GRM7: variants seen among roughly 807,000 people sequenced by gnomAD.
GRM7 encodes the protein glutamate metabotropic receptor 7.
A neutral mutation model predicts 84.5 loss-of-function variants in GRM7; 35 were observed. That is an observed-to-expected ratio of 0.41 (90% CI 0.32 to 0.55). The LOEUF is 0.55. Among genes scored for constraint, GRM7 ranks in the 20% least tolerant of loss-of-function variants. The probability of loss-of-function intolerance (pLI) is 0.19; values close to 1 mark genes in which losing one functional copy is unlikely to be tolerated. For missense variants in GRM7, 1,003 were observed against 1,194.6 expected, an observed-to-expected ratio of 0.84 and a Z score of 2.36; for synonymous variants, 487 against 455.1, an observed-to-expected ratio of 1.07 and a Z score of -0.89.
intron 8 of GRM7, among the ~76,000 whole-genome samples, chr3:7,609,049 T>C (rs1463626741): frequency 1.3e-5 from 2 of 152,174 alleles, no homozygotes; most frequent in Admixed American, 1.3e-4. Flanking sequence ...ATTTCTGGGC[T>C]CTCTATTCTG....
chr3:7,654,146 A>G (rs1699079004), intron 8 of GRM7, among the ~76,000 whole-genome samples: 1 of 152,188 alleles, frequency 6.6e-6, no homozygotes, highest in African/African-American at 2.4e-5. Flanking sequence ...CTGAGCTCAT[A>G]GAGTCTTATG....
chr3:7,111,557 T>G (rs1692852188), intron 1 of GRM7, among the ~76,000 whole-genome samples: 1 of 152,154 alleles, frequency 6.6e-6, no homozygotes, highest in South Asian at 2.1e-4. Context: ...TGCCTCCAAC[T>G]GACTGTTTCT....
At chr3:7,061,247 A>G (rs1697425894) in intron 1 of GRM7, among the ~76,000 whole-genome samples, 1 of 151,794 alleles carries the variant, frequency 6.6e-6, no homozygotes, top group Non-Finnish European at 1.5e-5. Flanking sequence ...TTGCTGTGTA[A>G]CTGTTGGTTA....
intron 1 of GRM7, among the ~76,000 whole-genome samples, chr3:6,976,175 T>C (rs901562540): frequency 7.2e-5 from 11 of 152,128 alleles, no homozygotes; most frequent in African/African-American, 2.7e-4. Context: ...TAGGAACCCA[T>C]GCTGTAGTTT....
At chr3:7,139,608 A>T (rs1341398812) in intron 1 of GRM7, among the ~76,000 whole-genome samples, 22 of 151,974 alleles carry the variant, frequency 1.4e-4, no homozygotes. Flanking sequence ...ATTATCTTCA[A>T]GGAAATAAAT....
intron 9 of GRM7, among the ~76,000 whole-genome samples, chr3:7,730,368 T>C (rs538226442): frequency 2.2e-4 from 34 of 152,334 alleles, no homozygotes; most frequent in African/African-American, 7.7e-4. Flanking sequence ...ATTTAAGCTC[T>C]GTGAAAGCAG....
rs1023285861 is a variant in GRM7 at position 7,454,736 on chromosome 3, T to C, written c.1375+1929T>C. 3.3e-5 allele frequency among the ~76,000 whole-genome samples: 5 copies of C among 152,210 alleles called. No individual in the cohort carries two copies. In the East Asian group the frequency reaches 9.7e-4, roughly 29 times the overall value. The stretch of plus-strand genomic sequence containing the variant: ...TCCCTAACAAGGAATGAGAGAAATA[T>C]AGAATGAACCCTGTTGTGTTGGATT... On this transcript the variant is annotated intron_variant, in intron 6 of 9. Coordinates refer to ENST00000357716, the MANE Select transcript of GRM7 (RefSeq NM_000844.4).
chr3:6,992,321 A>C (rs191578214), intron 1 of GRM7, among the ~76,000 whole-genome samples: 1 of 152,340 alleles, frequency 6.6e-6, no homozygotes, highest in East Asian at 1.9e-4. Context: ...TAAATATTTA[A>C]CCTGAAATCA....
At chr3:7,685,041 T>C (rs967626506) in intron 9 of GRM7, among the ~76,000 whole-genome samples, 4 of 152,208 alleles carry the variant, frequency 2.6e-5, no homozygotes, top group African/African-American at 9.6e-5. Context: ...CTGTACTTTC[T>C]ACAGTTCACT....
Position 7,740,434 on chromosome 3 carries a change from G to C in GRM7, c.*28G>C. 3 of 1,302,358 alleles carry C rather than the reference G, an allele frequency of 2.3e-6. No homozygotes were observed. The highest frequency in any genetic ancestry group is 3.3e-6 in the Non-Finnish European group (3 of 922,684). The allele number at this position is 1,302,358 out of a possible 1,614,324, so 80.7% of individuals were successfully genotyped here. A position where few individuals can be genotyped will look rare whatever the true frequency, so the allele number is the denominator to read the frequency against. Reference sequence around the variant, plus strand: ...TGTTCCATTCCATGGAACCATGGAGGAGGAAGACCCTCAGTTATTTTGTCA... The same window carrying C: ...TGTTCCATTCCATGGAACCATGGAGCAGGAAGACCCTCAGTTATTTTGTCA... On this transcript the variant is annotated 3_prime_UTR_variant, in exon 10 of 10. Transcript: ENST00000357716.
chr3:7,619,993 C>G lies in GRM7; in HGVS notation c.2451+40636C>G, dbSNP rs192771873. Among the ~76,000 whole-genome samples, 16 of 152,190 alleles carry G rather than the reference C, an allele frequency of 1.1e-4. No individual in the cohort carries two copies. The East Asian group carries it at 2.9e-3, about 28-fold the overall frequency. On this transcript the variant is annotated intron_variant, in intron 8 of 9. Transcript: ENST00000357716. ...TGACAGCCTGTGAACTGAATATAGACCAAAAATCCTGACCACTCCTTAGAC... is the reference window on the plus strand; with the variant it reads ...TGACAGCCTGTGAACTGAATATAGAGCAAAAATCCTGACCACTCCTTAGAC...
At chr3:7,637,318 T>C in intron 8 of GRM7, among the ~76,000 whole-genome samples, 1 of 152,146 alleles carries the variant, frequency 6.6e-6, no homozygotes, top group Non-Finnish European at 1.5e-5. Context: ...TTAAACAGCA[T>C]CCAAACTCCT....
At position 7,165,123 on chromosome 3, in the gene GRM7, T is replaced by G. The variant is rs538641409; in HGVS notation, c.736+18455T>G. ...GACTTTTATTATTCCTCATTTGAGA[T>G]ATTGTGGGAGCATTTTCCAAGTTTG... On this transcript the variant is annotated intron_variant, in intron 2 of 9. Transcript: ENST00000357716. Among the ~76,000 whole-genome samples, 11 of 152,342 alleles carry G rather than the reference T, an allele frequency of 7.2e-5. No individual in the cohort carries two copies. In the South Asian group the frequency reaches 2.3e-3, roughly 32 times the overall value.
intron 9 of GRM7, among the ~76,000 whole-genome samples, chr3:7,710,178 T>C: frequency 6.6e-6 from 1 of 152,188 alleles, no homozygotes; most frequent in East Asian, 1.9e-4. Flanking sequence ...TCATTTTAAC[T>C]TGGGTTTATA....
intron 2 of GRM7, among the ~76,000 whole-genome samples, chr3:7,242,851 T>C (rs944253635): frequency 6.6e-6 from 1 of 152,144 alleles, no homozygotes; most frequent in Non-Finnish European, 1.5e-5. Context: ...ACAGCCCGTT[T>C]CCCCTCCTGG....
intron 5 of GRM7, among the ~76,000 whole-genome samples, chr3:7,434,882 C>A (rs1190204247): frequency 6.6e-6 from 1 of 152,078 alleles, no homozygotes; most frequent in Non-Finnish European, 1.5e-5. Context: ...GTTATATATT[C>A]TTAAAATATT....
At chr3:7,589,862 G>A (rs1272282593) in intron 8 of GRM7, among the ~76,000 whole-genome samples, 1 of 152,080 alleles carries the variant, frequency 6.6e-6, no homozygotes, top group Non-Finnish European at 1.5e-5. Context: ...TCTCTCTAAT[G>A]TGCCTGTGTG....
At chr3:7,674,385 T>G (rs2125135168) in intron 8 of GRM7, among the ~76,000 whole-genome samples, 1 of 152,104 alleles carries the variant, frequency 6.6e-6, no homozygotes, top group South Asian at 2.1e-4. Context: ...AGAGATGGGG[T>G]TTTGCCACAT....
At chr3:7,461,812 G>A in intron 7 of GRM7, 90 bp downstream of exon 7, 3 of 1,256,348 alleles carry the variant, frequency 2.4e-6, no homozygotes, top group Non-Finnish European at 3.5e-6. Context: ...CTTGTTTAAT[G>A]TTTGTGTGCA....
Sources: gnomAD v4.1 joint callset for allele counts (sites outside exome capture counted in the v4.1 genomes callset) on GRCh38, gnomAD v4.1.1 for gene constraint, MANE v1.5 for transcripts, NCBI Gene and HGNC (gene_info 2026-07-23, HGNC 2026-07-21) for gene names.